ZPBP: variants seen among roughly 807,000 people sequenced by gnomAD.
The protein encoded by ZPBP is zona pellucida binding protein, also known as zona pellucida-binding protein 1.
Under a neutral mutation model 44.8 loss-of-function variants are expected in ZPBP, and 26 were observed. The ratio of observed to expected loss-of-function variants is 0.58; its 90% CI spans 0.43 to 0.81. The LOEUF is 0.81. ZPBP is among the 30% of genes least tolerant of loss of function. The pLI is 0.00. For missense variants in ZPBP, 409 were observed against 434.0 expected, an observed-to-expected ratio of 0.94 and a Z score of 0.51; for synonymous variants, 174 against 153.2, an observed-to-expected ratio of 1.14 and a Z score of -1.00.
intron 6 of ZPBP, among the ~76,000 whole-genome samples, chr7:50,017,960 A>G (rs1010823988): frequency 2.6e-5 from 4 of 152,150 alleles, no homozygotes; most frequent in African/African-American, 4.8e-5. Flanking sequence ...TATCTGAATA[A>G]TAACTATAAA....
chr7:50,053,251 A>G (rs1475035183), intron 4 of ZPBP, among the ~76,000 whole-genome samples: 1 of 152,192 alleles, frequency 6.6e-6, no homozygotes, highest in Non-Finnish European at 1.5e-5. Context: ...TTATCTCAAA[A>G]CAAAAAGTTT....
chr7:49,972,524 G>A lies in ZPBP; in HGVS notation c.961+10818C>T, dbSNP rs10247770. On this transcript the variant is annotated intron_variant, in intron 7 of 7. Coordinates refer to ENST00000046087, the MANE Select transcript of ZPBP (RefSeq NM_007009.3). ...ATACAAGGCTTAGGAATAAATGTAT[G>A]CAAGGAGGCAAAAGGCTTGTACACT... Among the ~76,000 whole-genome samples, 685 of 152,124 alleles carry A rather than the reference G, an allele frequency of 4.5e-3. 4 individuals carry two copies. The highest frequency in any genetic ancestry group is 0.016 in the African/African-American group (648 of 41,518).
chr7:49,989,585 G>A (rs1797470353), intron 6 of ZPBP, among the ~76,000 whole-genome samples: 1 of 152,174 alleles, frequency 6.6e-6, no homozygotes, highest in Non-Finnish European at 1.5e-5. Flanking sequence ...ATGAGGACTA[G>A]AGAGAGAGAA....
At chr7:49,964,512 T>G (rs1213785942) in intron 7 of ZPBP, among the ~76,000 whole-genome samples, 1 of 151,970 alleles carries the variant, frequency 6.6e-6, no homozygotes, top group Non-Finnish European at 1.5e-5. Context: ...AAATTCAATT[T>G]AAAATAGGGT....
intron 7 of ZPBP, among the ~76,000 whole-genome samples, chr7:49,956,769 A>AT (rs542349363): frequency 8.6e-5 from 13 of 152,040 alleles, no homozygotes; most frequent in African/African-American, 2.2e-4. Context: ...TCCTAGAATA[A>AT]TTTTTTTTGT....
At chr7:50,073,555 T>C (rs778956874) in intron 3 of ZPBP, among the ~76,000 whole-genome samples, 1 of 152,004 alleles carries the variant, frequency 6.6e-6, no homozygotes, top group Non-Finnish European at 1.5e-5. Context: ...TACAAGAAGG[T>C]TACAGAACAC....
chr7:49,906,970 G>T (rs1208088801), intron 1 of ZPBP, among the ~76,000 whole-genome samples: 1 of 152,148 alleles, frequency 6.6e-6, no homozygotes, highest in Non-Finnish European at 1.5e-5. Flanking sequence ...TTTCCTAAAT[G>T]CAGGGGGACC....
intron 4 of ZPBP, among the ~76,000 whole-genome samples, chr7:50,033,182 T>A (rs551480699): frequency 2.0e-5 from 3 of 152,298 alleles, no homozygotes; most frequent in Admixed American, 6.5e-5. Flanking sequence ...TGCCTTTCTC[T>A]CTGATTTCTT....
intron 6 of ZPBP, among the ~76,000 whole-genome samples, chr7:50,009,385 C>T (rs1460033232): frequency 6.6e-6 from 1 of 151,234 alleles, no homozygotes; most frequent in Non-Finnish European, 1.5e-5. Context: ...ACAAGTTCAC[C>T]TTCTTGCTGA....
At chr7:49,902,225 A>G (rs189235697) in intron 1 of ZPBP, among the ~76,000 whole-genome samples, 138 of 152,138 alleles carry the variant, frequency 9.1e-4, no homozygotes, top group Non-Finnish European at 1.3e-4. Flanking sequence ...TCTCTGAAAG[A>G]TGTTCTCAAA....
chr7:49,963,163 TG>T (rs1475927784), intron 7 of ZPBP, among the ~76,000 whole-genome samples: 29 of 63,558 alleles, frequency 4.6e-4, no homozygotes, highest in Admixed American at 2.6e-3. Flanking sequence ...CTTATTAGGA[TG>T]GTTTTTTTTA....
intron 4 of ZPBP, among the ~76,000 whole-genome samples, chr7:50,034,783 A>G (rs1171380996): frequency 2.0e-5 from 3 of 152,188 alleles, no homozygotes; most frequent in Non-Finnish European, 2.9e-5. Flanking sequence ...ACTTGTTTCA[A>G]TCTGTTTCTC....
intron 1 of ZPBP, among the ~76,000 whole-genome samples, chr7:50,091,026 T>C (rs1434948326): frequency 1.3e-5 from 2 of 152,156 alleles, no homozygotes; most frequent in South Asian, 2.1e-4. Context: ...TAAGGTGATA[T>C]CACATTGTGG....
chr7:49,877,481 A>AAAAATATACATACAT lies in ZPBP; in HGVS notation n.509+23636_509+23637insATGTATGTATATTTT. On this transcript the variant is annotated intron_variant and non_coding_transcript_variant, in intron 2 of 2. Coordinates refer to the ZPBP transcript ENST00000465922. ...CTGTCTCAAAAAAAAAAAAAAAAAA[A>AAAAATATACATACAT]ATATATATATATATATATATATATA... Among the ~76,000 whole-genome samples, 2 of 12,722 alleles carry AAAAATATACATACAT rather than the reference A, an allele frequency of 1.6e-4. 1 individual carries two copies. Among genetic ancestry groups the AAAAATATACATACAT allele is most frequent in the African/African-American group, 5.6e-4 (2 of 3,594 alleles). The allele number at this position is 12,722 out of a possible 152,430, so 8.3% of individuals were successfully genotyped here. A position where few individuals can be genotyped will look rare whatever the true frequency, so the allele number is the denominator to read the frequency against.
chr7:49,981,622 T>TAATTA (rs1562820285), intron 7 of ZPBP, among the ~76,000 whole-genome samples: 2 of 9,530 alleles, frequency 2.1e-4, no homozygotes, highest in Admixed American at 1.2e-3. Flanking sequence ...TTATATTATA[T>TAATTA]TATATTATAT....
chr7:49,874,628 A>G (rs907054781), intron 2 of ZPBP, among the ~76,000 whole-genome samples: 5 of 152,148 alleles, frequency 3.3e-5, no homozygotes, highest in Admixed American at 1.3e-4. Context: ...TTTAGGTGAC[A>G]GGATTGGGGG....
intron 4 of ZPBP, among the ~76,000 whole-genome samples, chr7:50,045,235 G>T (rs1800288836): frequency 6.6e-6 from 1 of 152,068 alleles, no homozygotes; most frequent in South Asian, 2.1e-4. Context: ...TTTGAAAACT[G>T]GCACAAGACA....
At chr7:49,847,886 G>T (rs1790009491), downstream of ZPBP, among the ~76,000 whole-genome samples, 1 of 152,162 alleles carries the variant, frequency 6.6e-6, no homozygotes, top group African/African-American at 2.4e-5. Flanking sequence ...TAATCAACAA[G>T]AAAAGTGCAC....
chr7:49,949,755 T>C (rs895836975), intron 7 of ZPBP, among the ~76,000 whole-genome samples: 45 of 152,014 alleles, frequency 3.0e-4, no homozygotes, highest in Non-Finnish European at 1.8e-4. Context: ...ACTGTGTATT[T>C]AAATTATACA....
Sources: allele counts gnomAD v4.1 joint callset (sites outside exome capture counted in the v4.1 genomes callset), GRCh38; gene constraint gnomAD v4.1.1; transcripts MANE v1.5; gene names NCBI Gene and HGNC (gene_info 2026-07-23, HGNC 2026-07-21).